Variants in KCNQ3 observed in about 807,000 individuals in gnomAD.
The protein encoded by KCNQ3 is potassium voltage-gated channel subfamily Q member 3.
In KCNQ3, 30 loss-of-function variants were observed where a neutral mutation model predicts 92.5. That is an observed-to-expected ratio of 0.32 (90% CI 0.24 to 0.44). KCNQ3 has a LOEUF of 0.44. Ranked by LOEUF, KCNQ3 falls within the 20% of genes least tolerant of loss-of-function variation. The pLI is 1.00. For missense variants in KCNQ3, 913 were observed against 1,140.3 expected, an observed-to-expected ratio of 0.80 and a Z score of 2.87; for synonymous variants, 450 against 468.8, an observed-to-expected ratio of 0.96 and a Z score of 0.52.
intron 1 of KCNQ3, among the ~76,000 whole-genome samples, chr8:132,345,047 G>A (rs2130693380): frequency 6.6e-6 from 1 of 152,310 alleles, no homozygotes; most frequent in East Asian, 1.9e-4. Flanking sequence ...GTAATTTGCT[G>A]ATCCAGGGGC....
intron 1 of KCNQ3, among the ~76,000 whole-genome samples, chr8:132,247,087 C>G (rs2130426832): frequency 6.6e-6 from 1 of 152,286 alleles, no homozygotes; most frequent in South Asian, 2.1e-4. Context: ...TCTCTATACC[C>G]ACAGCATCCT....
intron 1 of KCNQ3, among the ~76,000 whole-genome samples, chr8:132,366,127 C>T (rs1819316387): frequency 6.6e-6 from 1 of 152,210 alleles, no homozygotes; most frequent in African/African-American, 2.4e-5. Context: ...CCGTTAGTCT[C>T]TCCCATTTAT....
At chr8:132,411,693 C>G (rs552351865) in intron 1 of KCNQ3, among the ~76,000 whole-genome samples, 6 of 152,292 alleles carry the variant, frequency 3.9e-5, no homozygotes, top group Admixed American at 1.3e-4. Flanking sequence ...CCCTCCTTTT[C>G]CATGCTCCCA....
intron 1 of KCNQ3, among the ~76,000 whole-genome samples, chr8:132,376,982 G>C (rs190231310): frequency 1.4e-4 from 21 of 152,310 alleles, no homozygotes; most frequent in African/African-American, 5.1e-4. Flanking sequence ...CACAACGAAG[G>C]AGAGAGAGAG....
chr8:132,417,668 A>G (rs1420847686), intron 1 of KCNQ3, among the ~76,000 whole-genome samples: 1 of 146,874 alleles, frequency 6.8e-6, no homozygotes, highest in Non-Finnish European at 1.5e-5. Context: ...GGGCAAACCC[A>G]TCCATCCATC....
intron 1 of KCNQ3, among the ~76,000 whole-genome samples, chr8:132,296,421 G>C (rs1048746037): frequency 6.6e-6 from 1 of 151,948 alleles, no homozygotes; most frequent in African/African-American, 2.4e-5. Context: ...TTAACTTTTA[G>C]GGTACATGTG....
Position 132,262,341 on chromosome 8 carries a change from C to A in KCNQ3, c.387-76160G>T, listed in dbSNP as rs140897347. Among the ~76,000 whole-genome samples the A allele has an allele frequency of 2.6e-4, 39 of 152,262 alleles. No homozygotes were observed. In the East Asian group the frequency reaches 7.0e-3, roughly 27 times the overall value. On this transcript the variant is annotated intron_variant, in intron 1 of 14. Transcript: ENST00000388996. ...ACTCTGTGAAGATAATTTTTAAAAA[C>A]ATTGAATTGTACACTTTAAATGGGT...
intron 1 of KCNQ3, among the ~76,000 whole-genome samples, chr8:132,361,386 C>A (rs1020651320): frequency 5.3e-5 from 8 of 152,172 alleles, no homozygotes; most frequent in African/African-American, 1.7e-4. Context: ...AGGCAGAGAT[C>A]TTTTATGTCT....
intron 1 of KCNQ3, among the ~76,000 whole-genome samples, chr8:132,379,177 TGAA>T (rs1819681804): frequency 6.6e-6 from 1 of 152,240 alleles, no homozygotes; most frequent in African/African-American, 2.4e-5. Flanking sequence ...TACACATCAA[TGAA>T]CAGAATCATA....
chr8:132,363,668 G>A (rs1819233333), intron 1 of KCNQ3, among the ~76,000 whole-genome samples: 1 of 151,922 alleles, frequency 6.6e-6, no homozygotes, highest in Non-Finnish European at 1.5e-5. Flanking sequence ...CACCCTGGAT[G>A]CCATCTTTTA....
At chr8:132,198,401 T>G (rs1047477729) in intron 1 of KCNQ3, among the ~76,000 whole-genome samples, 3 of 152,240 alleles carry the variant, frequency 2.0e-5, no homozygotes, top group Admixed American at 2.0e-4. Flanking sequence ...CAGTTTGTTA[T>G]GCAGGAATAG....
intron 1 of KCNQ3, among the ~76,000 whole-genome samples, chr8:132,294,000 G>GTGTGTGTGTGTTTTTTTTTTGTTGTTT (rs1816939658): frequency 8.1e-6 from 1 of 124,192 alleles, no homozygotes; most frequent in African/African-American, 3.1e-5. Flanking sequence ...TGTGTGTGTG[G>GTGTGTGTGTGTTTTTTTTTTGTTGTTT]TTTTTTTTTT....
In KCNQ3 at chr8:132,135,902, C is replaced by T. The variant is rs185780105; in HGVS notation, c.1701-1514G>A. 4.3e-3 allele frequency among the ~76,000 whole-genome samples: 656 copies of T among 151,848 alleles called. 3 individuals carry two copies. The highest frequency in any genetic ancestry group is 0.015 in the African/African-American group (628 of 41,428). On this transcript the variant is annotated intron_variant, in intron 12 of 14. Transcript: ENST00000388996. The stretch of plus-strand genomic sequence containing the variant: ...CCAGCAGTTTGGGAGGCTGAATCAC[C>T]TGAGGTCAGAAGTTCGAGATCAGCC...
intron 13 of KCNQ3, among the ~76,000 whole-genome samples, chr8:132,133,930 G>T (rs2469512): frequency 6.6e-6 from 1 of 151,932 alleles, no homozygotes; most frequent in Admixed American, 6.6e-5. Context: ...CAACTCAAAG[G>T]TAATTATGCA....
At chr8:132,148,265 T>G (rs978328724) in intron 9 of KCNQ3, among the ~76,000 whole-genome samples, 1 of 152,144 alleles carries the variant, frequency 6.6e-6, no homozygotes, top group Non-Finnish European at 1.5e-5. Context: ...TCTTTTTTTT[T>G]TGGAGACAGA....
chr8:132,265,567 G>A (rs1815954186), intron 1 of KCNQ3, among the ~76,000 whole-genome samples: 1 of 152,152 alleles, frequency 6.6e-6, no homozygotes, highest in African/African-American at 2.4e-5. Flanking sequence ...ATGGAGATGG[G>A]GGTTTTCCCA....
chr8:132,249,229 C>T (rs181375621), intron 1 of KCNQ3, among the ~76,000 whole-genome samples: 106 of 152,236 alleles, frequency 7.0e-4, no homozygotes, highest in African/African-American at 2.4e-3. Flanking sequence ...TTGCCACTGC[C>T]AGCTGGGGCA....
At position 132,128,395 on chromosome 8, in the gene KCNQ3, G is replaced by A. The variant is rs1406987470; in HGVS notation, c.*867C>T. On this transcript the variant is annotated 3_prime_UTR_variant, in exon 15 of 15. Coordinates refer to ENST00000388996, the MANE Select transcript of KCNQ3 (RefSeq NM_004519.4). ...AGTATCATGGGAAGAAATGAGAGTT[G>A]GAAATTCATTTTAAAGGCACTGAAC... 1 of 152,140 alleles carries A rather than the reference G, an allele frequency of 6.6e-6. No individual in the cohort carries two copies. Among genetic ancestry groups the A allele is most frequent in the African/African-American group, 2.4e-5 (1 of 41,416 alleles). The allele number at this position is 152,140 out of a possible 1,614,324, so 9.4% of individuals were successfully genotyped here.
At chr8:132,139,819 T>C (rs1032935985) in intron 11 of KCNQ3, among the ~76,000 whole-genome samples, 1 of 152,172 alleles carries the variant, frequency 6.6e-6, no homozygotes, top group Non-Finnish European at 1.5e-5. Context: ...GTGGAAATAC[T>C]GTCAGGAGGG....
Sources: gnomAD v4.1 joint callset for allele counts (sites outside exome capture counted in the v4.1 genomes callset) on GRCh38, gnomAD v4.1.1 for gene constraint, MANE v1.5 for transcripts, NCBI Gene and HGNC (gene_info 2026-07-23, HGNC 2026-07-21) for gene names.